The following DNAH14 variants were observed in gnomAD, a reference collection of about 807,000 sequenced individuals.
DNAH14 encodes dynein axonemal heavy chain 14, also known as axonemal beta dynein heavy chain 14.
Under a neutral mutation model 520.9 loss-of-function variants are expected in DNAH14, and 478 were observed. That is an observed-to-expected ratio of 0.92 (90% CI 0.85 to 0.99). DNAH14 has a LOEUF of 0.99. DNAH14 is among the 50% of genes least tolerant of loss of function. DNAH14 has a pLI of 0.00. For missense variants in DNAH14, 4,831 were observed against 5,234.5 expected (o/e 0.92, Z 2.38); for synonymous variants, 1,581 against 1,757.2 (o/e 0.90, Z 2.51).
chr1:225,351,884 G>C lies in DNAH14; in HGVS notation c.11533+1G>C. 6.5e-7 allele frequency: 1 copy of C among 1,549,158 alleles called. No individual in the cohort carries two copies. The highest frequency in any genetic ancestry group is 8.7e-7 in the Non-Finnish European group (1 of 1,145,214). On this transcript the variant is annotated splice_donor_variant, in intron 72 of 85. Transcript: ENST00000682510. LOFTEE classifies it high-confidence loss of function. ...GAAAATACAAAACCACCAGAGGAAA[G>C]TAAGAAAGCATTCAGTGTTTTAACC...
intron 41 of DNAH14, among the ~76,000 whole-genome samples, chr1:225,213,262 G>A (rs1443415817): frequency 2.0e-5 from 3 of 152,104 alleles, no homozygotes; most frequent in African/African-American, 4.8e-5. Context: ...TGTTCCATTG[G>A]TCTATATCTC....
chr1:225,370,578 T>A (rs1173173006), intron 77 of DNAH14, among the ~76,000 whole-genome samples: 1 of 151,760 alleles, frequency 6.6e-6, no homozygotes, highest in African/African-American at 2.4e-5. Flanking sequence ...TGAGACTACT[T>A]CATACCAAAA....
At chr1:225,322,515 C>G in intron 61 of DNAH14, 149 bp from the exon 62 acceptor site, 1 of 687,146 alleles carries the variant, frequency 1.5e-6, no homozygotes, top group East Asian at 3.0e-5. Flanking sequence ...TTAAAAGATA[C>G]CTAAGTAATT....
chr1:225,143,802 T>G (rs1231871995), intron 28 of DNAH14, among the ~76,000 whole-genome samples: 1 of 152,234 alleles, frequency 6.6e-6, no homozygotes, highest in East Asian at 1.9e-4. Context: ...ATTTTGAGAA[T>G]TGAGTTAGCA....
At chr1:225,362,841 A>G (rs181513558) in intron 75 of DNAH14, among the ~76,000 whole-genome samples, 5 of 152,356 alleles carry the variant, frequency 3.3e-5, no homozygotes, top group Admixed American at 3.3e-4. Flanking sequence ...TATGTTCACA[A>G]CATATTGCTA....
intron 41 of DNAH14, among the ~76,000 whole-genome samples, chr1:225,217,293 G>T (rs139944958): frequency 6.6e-6 from 1 of 152,104 alleles, no homozygotes; most frequent in Non-Finnish European, 1.5e-5. Flanking sequence ...ACTGCCCTGC[G>T]AGGTGTCAGT....
chr1:224,939,266 A>C (rs1269052831), intron 1 of DNAH14, among the ~76,000 whole-genome samples: 1 of 152,166 alleles, frequency 6.6e-6, no homozygotes, highest in Non-Finnish European at 1.5e-5. Context: ...ATACACTTTT[A>C]GTCTTTTTAT....
intron 23 of DNAH14, among the ~76,000 whole-genome samples, chr1:225,105,907 G>A (rs971114174): frequency 4.0e-5 from 6 of 150,564 alleles, no homozygotes; most frequent in Non-Finnish European, 7.4e-5. Flanking sequence ...ATATCGTTAT[G>A]TGTGAATTCA....
intron 85 of DNAH14, 41 bp downstream of exon 85, chr1:225,398,707 G>A: frequency 6.5e-7 from 1 of 1,545,530 alleles, no homozygotes; most frequent in Non-Finnish European, 8.8e-7. Flanking sequence ...AAACCTCTGA[G>A]CGTTGCTTCA....
At chr1:225,192,184 CTG>C (rs1329686881) in intron 37 of DNAH14, among the ~76,000 whole-genome samples, 1 of 152,058 alleles carries the variant, frequency 6.6e-6, no homozygotes, top group Non-Finnish European at 1.5e-5. Flanking sequence ...ATGTTTCTAC[CTG>C]TAATCTCTTG....
chr1:225,315,844 G>A (rs2150160495), intron 60 of DNAH14, among the ~76,000 whole-genome samples: 1 of 152,326 alleles, frequency 6.6e-6, no homozygotes, highest in Non-Finnish European at 1.5e-5. Context: ...GATGCCAGCT[G>A]GAGCTCTCCT....
In DNAH14 at chr1:225,387,136, G is replaced by C. The variant is rs889540865; in HGVS notation, c.13078-1243G>C. 2.6e-5 allele frequency among the ~76,000 whole-genome samples: 4 copies of C among 151,876 alleles called. No homozygotes were observed. The South Asian group carries it at 8.3e-4, about 32-fold the overall frequency. On this transcript the variant is annotated intron_variant, in intron 81 of 85. Coordinates refer to ENST00000682510, the MANE Select transcript of DNAH14 (RefSeq NM_001367479.1). ...ATCATTCTGAGCAAACTATTGCAAG[G>C]ACAGAAAACCAAACACCGCATATTC...
At chr1:225,142,970 A>C (rs2079588759) in intron 28 of DNAH14, among the ~76,000 whole-genome samples, 1 of 152,118 alleles carries the variant, frequency 6.6e-6, no homozygotes, top group Non-Finnish European at 1.5e-5. Context: ...TAATGAAATA[A>C]ATTTTTTTTT....
chr1:224,977,989 G>A (rs2061986866), intron 8 of DNAH14, among the ~76,000 whole-genome samples: 1 of 152,130 alleles, frequency 6.6e-6, no homozygotes, highest in African/African-American at 2.4e-5. Flanking sequence ...AGATAGAATG[G>A]CTGTAATCAA....
chr1:225,357,348 T>A (rs1179467454), intron 73 of DNAH14, among the ~76,000 whole-genome samples: 1 of 152,118 alleles, frequency 6.6e-6, no homozygotes, highest in Non-Finnish European at 1.5e-5. Context: ...GGTTAAAATT[T>A]ACAACAGTGG....
At chr1:225,297,904 G>A (rs528588038) in intron 55 of DNAH14, among the ~76,000 whole-genome samples, 24 of 152,306 alleles carry the variant, frequency 1.6e-4, no homozygotes, top group African/African-American at 5.1e-4. Flanking sequence ...TAGGCCCTTA[G>A]TACAAGCACA....
rs1274087188 is a variant in DNAH14 at position 225,170,056 on chromosome 1, G to A, written c.5535+2028G>A. 3.9e-5 allele frequency among the ~76,000 whole-genome samples: 6 copies of A among 152,148 alleles called. No homozygotes were observed. The East Asian group carries it at 1.2e-3, about 29-fold the overall frequency. On this transcript the variant is annotated intron_variant, in intron 36 of 85. Transcript: ENST00000682510. ...TGAAGGAGAAATAAAATCCTTTACA[G>A]ACAAGCAAATGCTGAGAGATTTTGT...
chr1:225,079,727 G>T (rs1375535992), intron 18 of DNAH14, among the ~76,000 whole-genome samples, 179 bp downstream of exon 18: 1 of 129,786 alleles, frequency 7.7e-6, no homozygotes, highest in Non-Finnish European at 1.5e-5. Flanking sequence ...AGGCTGGACT[G>T]CAGTGGCGCA....
rs1085182 is a variant in DNAH14 at position 225,234,405 on chromosome 1, G to A, written c.6518+3254G>A. ...TGGTTTCACCATGTTAGCCAGGATGGTCTCCATCTCCTGACCTCATGATCC... is the reference window on the plus strand; with the variant it reads ...TGGTTTCACCATGTTAGCCAGGATGATCTCCATCTCCTGACCTCATGATCC... On this transcript the variant is annotated intron_variant, in intron 42 of 85. Coordinates refer to ENST00000682510, the MANE Select transcript of DNAH14 (RefSeq NM_001367479.1). Among the ~76,000 whole-genome samples, 6 of 152,044 alleles carry A rather than the reference G, an allele frequency of 3.9e-5. No homozygotes were observed. In the East Asian group the frequency reaches 1.2e-3, roughly 30 times the overall value.
Sources: gnomAD v4.1 joint callset for allele counts (sites outside exome capture counted in the v4.1 genomes callset) on GRCh38, gnomAD v4.1.1 for gene constraint, MANE v1.5 for transcripts, NCBI Gene and HGNC (gene_info 2026-07-23, HGNC 2026-07-21) for gene names.